Variants in UBE2G1 observed in about 807,000 individuals in gnomAD.
UBE2G1 encodes the protein ubiquitin conjugating enzyme E2 G1, also known as ubiquitin-conjugating enzyme E2 G1.
Under a neutral mutation model 22.7 loss-of-function variants are expected in UBE2G1, and 5 were observed. That is an observed-to-expected ratio of 0.22 (90% confidence interval 0.12 to 0.46). The LOEUF (loss-of-function observed/expected upper bound fraction) is 0.46, where lower values mean the gene tolerates loss of function less well. UBE2G1 is among the 20% of genes least tolerant of loss of function. The pLI is 0.99. For missense variants in UBE2G1, 88 were observed against 203.9 expected (o/e 0.43, Z 3.46); for synonymous variants, 74 against 67.5 (o/e 1.10, Z -0.47).
intron 1 of UBE2G1, among the ~76,000 whole-genome samples, chr17:4,340,028 C>T (rs1023432892): frequency 2.0e-5 from 3 of 152,160 alleles, no homozygotes; most frequent in Non-Finnish European, 4.4e-5. Context: ...TGGCTGTGGG[C>T]TCAAGCTATC....
At chr17:4,285,472 T>C (rs1222925599) in intron 4 of UBE2G1, among the ~76,000 whole-genome samples, 5 of 152,094 alleles carry the variant, frequency 3.3e-5, no homozygotes, top group African/African-American at 1.2e-4. Context: ...GCACCTTACA[T>C]CATAAATAGA....
chr17:4,321,463 A>C (rs1008001449), intron 1 of UBE2G1, among the ~76,000 whole-genome samples: 1 of 151,168 alleles, frequency 6.6e-6, no homozygotes, highest in Non-Finnish European at 1.5e-5. Flanking sequence ...CTTTTTTCTG[A>C]TTATTTGGAT....
intron 1 of UBE2G1, among the ~76,000 whole-genome samples, chr17:4,312,172 G>A (rs920568091): frequency 3.3e-5 from 5 of 151,672 alleles, no homozygotes; most frequent in African/African-American, 4.8e-5. Context: ...CCCAGGAGGC[G>A]GAGGTCACCG....
At position 4,272,142 on chromosome 17, in the gene UBE2G1, A is replaced by G. The variant is rs765170747; in HGVS notation, c.*412T>C. The G allele has an allele frequency of 4.6e-5, 7 of 152,658 alleles. No individual in the cohort carries two copies. Among genetic ancestry groups the G allele is most frequent in the Non-Finnish European group, 7.3e-5 (5 of 68,048 alleles). 9.5% of individuals were successfully genotyped at this position (152,658 alleles called of 1,614,324 possible). On this transcript the variant is annotated 3_prime_UTR_variant, in exon 6 of 6. Coordinates refer to ENST00000396981, the MANE Select transcript of UBE2G1 (RefSeq NM_003342.5). ...TGCTTAAAGGAATCCTTTTAAACTG[A>G]TAAGAAACAATGAATAGGAAAGAAA... is the stretch of plus-strand genomic sequence containing the variant.
At chr17:4,327,160 T>C (rs527931337) in intron 1 of UBE2G1, among the ~76,000 whole-genome samples, 5 of 151,204 alleles carry the variant, frequency 3.3e-5, no homozygotes, top group Admixed American at 3.3e-4. Context: ...CCAGGCATGG[T>C]GGCTCATGCC....
chr17:4,323,615 C>A (rs1279131979), intron 1 of UBE2G1, among the ~76,000 whole-genome samples: 7 of 152,226 alleles, frequency 4.6e-5, no homozygotes. Context: ...TGCAGTGGCA[C>A]AATCACAGTT....
At chr17:4,332,227 C>CACT (rs1969587208) in intron 1 of UBE2G1, among the ~76,000 whole-genome samples, 1 of 152,020 alleles carries the variant, frequency 6.6e-6, no homozygotes, top group Non-Finnish European at 1.5e-5. Context: ...ACTTCTTGTC[C>CACT]ACTAAGTCAG....
chr17:4,310,571 T>G (rs558342602), intron 1 of UBE2G1, among the ~76,000 whole-genome samples: 1 of 152,228 alleles, frequency 6.6e-6, no homozygotes, highest in South Asian at 2.1e-4. Flanking sequence ...AAACAGAATG[T>G]CAAAAGCTGG....
chr17:4,323,958 G>C (rs546774431), intron 1 of UBE2G1, among the ~76,000 whole-genome samples: 1 of 152,266 alleles, frequency 6.6e-6, no homozygotes, highest in African/African-American at 2.4e-5. Context: ...AGGCAAGGAT[G>C]ATCAATGGAT....
At chr17:4,353,146 A>G (rs1969864582) in intron 1 of UBE2G1, among the ~76,000 whole-genome samples, 1 of 151,730 alleles carries the variant, frequency 6.6e-6, no homozygotes, top group Non-Finnish European at 1.5e-5. Context: ...TGAACCCAGG[A>G]GGCGGAGGCT....
At chr17:4,358,902 A>G (rs997137180) in intron 1 of UBE2G1, among the ~76,000 whole-genome samples, 2 of 152,162 alleles carry the variant, frequency 1.3e-5, no homozygotes, top group African/African-American at 4.8e-5. Context: ...CGGTGAGCCG[A>G]GATCGTGCCA....
intron 1 of UBE2G1, among the ~76,000 whole-genome samples, chr17:4,341,625 C>T (rs1969713373): frequency 6.6e-6 from 1 of 152,156 alleles, no homozygotes; most frequent in Admixed American, 6.6e-5. Context: ...CCCACAAGCC[C>T]TCCAGTTACT....
rs1320379289 is a variant in UBE2G1 at position 4,366,390 on chromosome 17, CG to C, written c.-75del. On this transcript the variant is annotated 5_prime_UTR_variant, in exon 1 of 6. Transcript: ENST00000396981. ...GGACAGGCTCTGGGGGCGGCTGGAG[CG>C]GGGTGTGCCGAGGAACCCGGGCCCC... 1.5e-6 allele frequency: 2 copies of C among 1,368,268 alleles called. No individual in the cohort carries two copies. The highest frequency in any genetic ancestry group is 9.4e-7 in the Non-Finnish European group (1 of 1,058,634). The allele number at this position is 1,368,268 out of a possible 1,614,324, so 84.8% of individuals were successfully genotyped here.
At chr17:4,311,621 G>A (rs1969310677) in intron 1 of UBE2G1, among the ~76,000 whole-genome samples, 1 of 152,148 alleles carries the variant, frequency 6.6e-6, no homozygotes, top group African/African-American at 2.4e-5. Context: ...AGACAATGAG[G>A]GAAGGGAGAA....
intron 2 of UBE2G1, among the ~76,000 whole-genome samples, chr17:4,305,154 C>T (rs1427263370): frequency 6.6e-6 from 1 of 152,104 alleles, no homozygotes; most frequent in Non-Finnish European, 1.5e-5. Flanking sequence ...AGGGTTTCTC[C>T]ATGTTGGTCA....
At chr17:4,286,111 G>C (rs1489180303) in intron 4 of UBE2G1, among the ~76,000 whole-genome samples, 1 of 152,066 alleles carries the variant, frequency 6.6e-6, no homozygotes, top group Non-Finnish European at 1.5e-5. Context: ...GAAAAAGCAA[G>C]TAAGAATAGT....
intron 2 of UBE2G1, among the ~76,000 whole-genome samples, chr17:4,301,095 ATATT>A (rs1969172904): frequency 6.6e-6 from 1 of 152,176 alleles, no homozygotes. Context: ...CCATACTGCC[ATATT>A]TATTTTATGT....
intron 2 of UBE2G1, among the ~76,000 whole-genome samples, chr17:4,302,861 T>C (rs1244783483): frequency 6.6e-6 from 1 of 152,200 alleles, no homozygotes. Context: ...TTGTGAGAAC[T>C]ATTTTAGCCT....
Position 4,353,484 on chromosome 17 carries a change from C to T in UBE2G1, c.46+12787G>A, listed in dbSNP as rs1303633267. 4.9e-5 allele frequency among the ~76,000 whole-genome samples: 7 copies of T among 141,558 alleles called. No homozygotes were observed. The East Asian group carries it at 1.2e-3, about 25-fold the overall frequency. 92.9% of individuals were successfully genotyped at this position (141,558 alleles called of 152,430 possible). A position where few individuals can be genotyped will look rare whatever the true frequency, so the allele number is the denominator to read the frequency against. On this transcript the variant is annotated intron_variant, in intron 1 of 5. Transcript: ENST00000396981. ...ATATACACACACACACACACACACA[C>T]ATATAATGTCACACCCCAGCATTTT...
Sources: gnomAD v4.1 joint callset for allele counts (sites outside exome capture counted in the v4.1 genomes callset) on GRCh38, gnomAD v4.1.1 for gene constraint, MANE v1.5 for transcripts, NCBI Gene and HGNC (gene_info 2026-07-23, HGNC 2026-07-21) for gene names.